The following TRAPPC9 variants were observed in gnomAD, a reference collection of about 807,000 sequenced individuals.
TRAPPC9 encodes IKK2 binding protein.
Under a neutral mutation model 124.0 loss-of-function variants are expected in TRAPPC9, and 83 were observed. The observed-to-expected ratio is 0.67, with a 90% CI of 0.56 to 0.80. The LOEUF is 0.80. Among genes scored for constraint, TRAPPC9 ranks in the 30% least tolerant of loss-of-function variants. TRAPPC9 has a pLI of 0.00. For synonymous variants in TRAPPC9, 638 were observed against 617.5 expected (o/e 1.03, Z -0.49); for missense variants, 1,302 against 1,508.3 (o/e 0.86, Z 2.27).
intron 21 of TRAPPC9, among the ~76,000 whole-genome samples, chr8:139,826,552 G>A (rs1825658137): frequency 6.6e-6 from 1 of 152,210 alleles, no homozygotes; most frequent in Non-Finnish European, 1.5e-5. Context: ...AACCACGGCA[G>A]AGGCGGTGGA....
At chr8:140,143,609 C>G (rs1487068251) in intron 17 of TRAPPC9, among the ~76,000 whole-genome samples, 1 of 152,164 alleles carries the variant, frequency 6.6e-6, no homozygotes, top group East Asian at 1.9e-4. Flanking sequence ...GCTTAAGAAA[C>G]TCTTTCCTAC....
At position 139,961,456 on chromosome 8, in the gene TRAPPC9, C is replaced by T. The variant is rs942510144; in HGVS notation, c.2810+27270G>A. Reference sequence around the variant, plus strand: ...CTGCAGACCCAGGCCTCCTGCTCTACGGAGCAGGCAAGAGCCCCACCCTAC... The same window carrying T: ...CTGCAGACCCAGGCCTCCTGCTCTATGGAGCAGGCAAGAGCCCCACCCTAC... On this transcript the variant is annotated intron_variant, in intron 19 of 22. Coordinates refer to ENST00000438773, the MANE Select transcript of TRAPPC9 (RefSeq NM_001160372.4). Among the ~76,000 whole-genome samples, 109 of 123,384 alleles carry T rather than the reference C, an allele frequency of 8.8e-4. 19 individuals are homozygous for T. Among genetic ancestry groups the T allele is most frequent in the East Asian group, 6.1e-3 (27 of 4,402 alleles). The allele number at this position is 123,384 out of a possible 152,430, so 80.9% of individuals were successfully genotyped here. A position where few individuals can be genotyped will look rare whatever the true frequency, so the allele number is the denominator to read the frequency against.
chr8:140,390,574 G>A (rs932257991), intron 7 of TRAPPC9, among the ~76,000 whole-genome samples: 1 of 152,180 alleles, frequency 6.6e-6, no homozygotes, highest in African/African-American at 2.4e-5. Flanking sequence ...TCCAGCCTAA[G>A]GACTGGGTCA....
intron 7 of TRAPPC9, among the ~76,000 whole-genome samples, chr8:140,375,327 G>A (rs565545977): frequency 1.9e-3 from 286 of 152,298 alleles, no homozygotes; most frequent in Non-Finnish European, 2.4e-3. Context: ...AGGTTCCAAC[G>A]AAAGTGGCTC....
chr8:139,905,492 C>T (rs1214666866), intron 20 of TRAPPC9, among the ~76,000 whole-genome samples: 2 of 152,146 alleles, frequency 1.3e-5, no homozygotes, highest in Non-Finnish European at 2.9e-5. Flanking sequence ...GGACTCGCCC[C>T]GTGCAGCTCC....
chr8:140,183,936 G>A (rs1207362797), intron 17 of TRAPPC9, among the ~76,000 whole-genome samples: 2 of 59,076 alleles, frequency 3.4e-5, no homozygotes, highest in African/African-American at 1.0e-4. Flanking sequence ...GGAGAGGAGA[G>A]GAGAGGAGAG....
intron 17 of TRAPPC9, among the ~76,000 whole-genome samples, chr8:140,061,491 G>A (rs1013943158): frequency 3.9e-5 from 6 of 152,152 alleles, no homozygotes; most frequent in South Asian, 4.1e-4. Context: ...CACAGGCCAC[G>A]GCACAGTGAG....
chr8:139,761,979 T>C (rs971018307), intron 21 of TRAPPC9, among the ~76,000 whole-genome samples: 1 of 151,764 alleles, frequency 6.6e-6, no homozygotes, highest in Non-Finnish European at 1.5e-5. Flanking sequence ...TTTACACTTG[T>C]ACAGGCAAAG....
At chr8:140,313,442 G>A (rs76395935) in intron 9 of TRAPPC9, among the ~76,000 whole-genome samples, 2,055 of 152,294 alleles carry the variant, frequency 0.013, 17 homozygotes, top group Non-Finnish European at 0.02. Context: ...AGAAAATAAC[G>A]TACACACTGA....
chr8:140,113,259 G>A lies in TRAPPC9; in HGVS notation c.2557-89180C>T, dbSNP rs143949399. ...TTTCAGGGAGATTGACACAAGCAGC[G>A]CCATCCCAGGCAGCATGTGCTGCAT... On this transcript the variant is annotated intron_variant, in intron 17 of 22. Coordinates refer to ENST00000438773, the MANE Select transcript of TRAPPC9 (RefSeq NM_001160372.4). Among the ~76,000 whole-genome samples, 7 of 152,324 alleles carry A rather than the reference G, an allele frequency of 4.6e-5. No individual in the cohort carries two copies. The East Asian group carries it at 5.8e-4, about 13-fold the overall frequency.
At position 139,732,194 on chromosome 8, in the gene TRAPPC9, C is replaced by T. The variant is rs1228981564; in HGVS notation, c.3064G>A (p.Val1022Met). Residue 1022 changes from valine (V) to methionine (M), a missense_variant, in exon 22 of 23, where the codon GTG becomes ATG. By Grantham distance (21) the Val-to-Met change is conservative (BLOSUM62 1). Coordinates refer to ENST00000438773, the MANE Select transcript of TRAPPC9 (RefSeq NM_001160372.4). ...QLAPLQWDVL[V>M]DGQPCDREAV... ...TCGCGGTCACATGGCTGTCCGTCCA[C>T]CAGCACATCTGTAAGGGACACGAGA... 19 of 1,590,552 alleles carry T rather than the reference C, an allele frequency of 1.2e-5. No homozygotes were observed. The highest frequency in any genetic ancestry group is 1.5e-5 in the Non-Finnish European group (18 of 1,174,488).
At chr8:139,835,887 G>A (rs1826306531) in intron 21 of TRAPPC9, among the ~76,000 whole-genome samples, 1 of 152,198 alleles carries the variant, frequency 6.6e-6, no homozygotes, top group Non-Finnish European at 1.5e-5. Flanking sequence ...GGAGGATGTG[G>A]CCTGAGCTTG....
At chr8:139,915,086 G>A (rs950172609) in intron 19 of TRAPPC9, among the ~76,000 whole-genome samples, 2 of 152,212 alleles carry the variant, frequency 1.3e-5, no homozygotes, top group East Asian at 1.9e-4. Flanking sequence ...AACTGACGGC[G>A]AAGGCACCTG....
At chr8:139,831,036 C>T (rs567463795) in intron 21 of TRAPPC9, among the ~76,000 whole-genome samples, 12 of 152,186 alleles carry the variant, frequency 7.9e-5, no homozygotes, top group East Asian at 3.9e-4. Context: ...CCTTGGGAAG[C>T]GGGAGCACTT....
At chr8:140,444,688 C>A (rs541642973) in intron 2 of TRAPPC9, among the ~76,000 whole-genome samples, 1 of 151,888 alleles carries the variant, frequency 6.6e-6, no homozygotes, top group Non-Finnish European at 1.5e-5. Context: ...TGGTGAGACC[C>A]CCCCCATCTC....
At chr8:139,994,291 C>T (rs1306388588) in intron 18 of TRAPPC9, among the ~76,000 whole-genome samples, 1 of 152,244 alleles carries the variant, frequency 6.6e-6, no homozygotes, top group Non-Finnish European at 1.5e-5. Flanking sequence ...CAATCATCGT[C>T]CTTCTGTGGA....
chr8:140,041,920 GAGATCGCACCACTGTA>G (rs1841299291), intron 17 of TRAPPC9, among the ~76,000 whole-genome samples: 1 of 151,802 alleles, frequency 6.6e-6, no homozygotes, highest in Admixed American at 6.6e-5. Flanking sequence ...GCAGTGAGCT[GAGATCGCACCACTGTA>G]CTCCAGCCTG....
At chr8:140,175,373 C>T (rs2062044406) in intron 17 of TRAPPC9, among the ~76,000 whole-genome samples, 1 of 151,750 alleles carries the variant, frequency 6.6e-6, no homozygotes, top group Non-Finnish European at 1.5e-5. Flanking sequence ...ACAGCAGTTT[C>T]CAGGCTTCTA....
chr8:139,873,190 T>C (rs1047696968), intron 21 of TRAPPC9, among the ~76,000 whole-genome samples: 6 of 152,034 alleles, frequency 3.9e-5, no homozygotes, highest in Non-Finnish European at 5.9e-5. Context: ...TCTAGAATAG[T>C]GCTTCAAGAC....
Sources: allele counts gnomAD v4.1 joint callset (sites outside exome capture counted in the v4.1 genomes callset), GRCh38; gene constraint gnomAD v4.1.1; transcripts MANE v1.5; gene names NCBI Gene and HGNC (gene_info 2026-07-23, HGNC 2026-07-21).